The following UGGT1 variants were observed in gnomAD, a reference collection of about 807,000 sequenced individuals.
UGGT1 encodes the protein UDP-glucose:glycoprotein glucosyltransferase 1.
Under a neutral mutation model 203.9 loss-of-function variants are expected in UGGT1, and 107 were observed. The ratio of observed to expected loss-of-function variants is 0.52; its 90% CI spans 0.45 to 0.62. UGGT1 has a LOEUF of 0.62. UGGT1 is among the 20% of genes least tolerant of loss of function. The pLI is 0.00. For missense variants in UGGT1, 1,673 were observed against 1,867.2 expected (o/e 0.90, Z 1.92); for synonymous variants, 628 against 653.5 (o/e 0.96, Z 0.59).
At chr2:128,131,722 G>C (rs189836018) in intron 13 of UGGT1, among the ~76,000 whole-genome samples, 1 of 151,964 alleles carries the variant, frequency 6.6e-6, no homozygotes, top group East Asian at 1.9e-4. Context: ...CCGCCTCCCA[G>C]GTTCAAACGA....
At chr2:128,105,371 T>A (rs1425124163) in intron 3 of UGGT1, among the ~76,000 whole-genome samples, 1 of 151,660 alleles carries the variant, frequency 6.6e-6, no homozygotes, top group African/African-American at 2.4e-5. Context: ...GGAGACAGGG[T>A]CTCGCTGTGT....
At chr2:128,104,337 C>A (rs1200328800) in intron 3 of UGGT1, among the ~76,000 whole-genome samples, 1 of 152,180 alleles carries the variant, frequency 6.6e-6, no homozygotes. Flanking sequence ...ACCATCTAAT[C>A]TGATTCACTA....
intron 22 of UGGT1, 62 bp downstream of exon 22, chr2:128,157,408 C>A: frequency 7.3e-7 from 1 of 1,366,988 alleles, no homozygotes; most frequent in Admixed American, 1.7e-5. Flanking sequence ...TCATGGGCTT[C>A]GCTGTGCGGC....
At position 128,192,283 on chromosome 2, in the gene UGGT1, T is replaced by G. The variant is rs1249838554; in HGVS notation, c.*2541T>G. On this transcript the variant is annotated 3_prime_UTR_variant, in exon 41 of 41. Transcript: ENST00000259253. Reference sequence around the variant, plus strand: ...TCCTGCCAGTTTTTTTTTTTTTTTTTGGTTCATGTGGCATAATCATCTTTC... The same window carrying G: ...TCCTGCCAGTTTTTTTTTTTTTTTTGGGTTCATGTGGCATAATCATCTTTC... 8 of 146,372 alleles carry G rather than the reference T, an allele frequency of 5.5e-5. No homozygotes were observed. Among genetic ancestry groups the G allele is most frequent in the Admixed American group, 4.1e-4 (6 of 14,790 alleles). 9.1% of individuals were successfully genotyped at this position (146,372 alleles called of 1,614,324 possible).
intron 2 of UGGT1, among the ~76,000 whole-genome samples, chr2:128,100,579 T>C (rs1275231787): frequency 6.8e-6 from 1 of 147,966 alleles, no homozygotes; most frequent in Non-Finnish European, 1.5e-5. Context: ...GCTAATTTTG[T>C]ATTTTTTTTT....
intron 36 of UGGT1, 69 bp downstream of exon 36, chr2:128,181,141 A>AT (rs372564065): frequency 2.1e-6 from 3 of 1,444,144 alleles, no homozygotes; most frequent in East Asian, 2.3e-5. Flanking sequence ...TTTAAATGCT[A>AT]TTTTTTCCAC....
intron 13 of UGGT1, among the ~76,000 whole-genome samples, chr2:128,132,608 A>G (rs1399402129): frequency 1.3e-5 from 2 of 152,196 alleles, no homozygotes; most frequent in African/African-American, 2.4e-5. Flanking sequence ...TGTCTTCTTC[A>G]TTCTTGACGC....
rs376277027 is a variant in UGGT1 at position 128,133,275 on chromosome 2, T to C, written c.1497+15T>C. On this transcript the variant is annotated intron_variant, in intron 14 of 40. Coordinates refer to ENST00000259253, the MANE Select transcript of UGGT1 (RefSeq NM_020120.4). ...TACATAATATGGTAAGTAAAACTTA[T>C]TGTCTGGCTGTGAACTCTGTTTCTC... 52 of 1,607,730 alleles carry C rather than the reference T, an allele frequency of 3.2e-5. No individual in the cohort carries two copies. In the African/African-American group the frequency reaches 5.2e-4, roughly 16 times the overall value.
At chr2:128,126,871 C>T (rs777518033) in intron 11 of UGGT1, among the ~76,000 whole-genome samples, 12 of 151,004 alleles carry the variant, frequency 7.9e-5, no homozygotes, top group East Asian at 2.0e-4. Context: ...TTAATAGAGA[C>T]GGGGTTTTGC....
intron 25 of UGGT1, among the ~76,000 whole-genome samples, chr2:128,164,289 G>A (rs1690671790): frequency 6.6e-6 from 1 of 152,216 alleles, no homozygotes; most frequent in Non-Finnish European, 1.5e-5. Flanking sequence ...GTATTTAAAA[G>A]TATAGAATTA....
In UGGT1 at chr2:128,191,510, C is replaced by T. The variant is rs2104855247; in HGVS notation, c.*1768C>T. ...GGGCAGAGTCTGTGACATGACTTTC[C>T]CCGCCCTGCCCCTCTGTTCAGAGCA... On this transcript the variant is annotated 3_prime_UTR_variant, in exon 41 of 41. Transcript: ENST00000259253. The T allele has an allele frequency of 6.6e-6, 1 of 152,308 alleles. No homozygotes were observed. The highest frequency in any genetic ancestry group is 1.5e-5 in the Non-Finnish European group (1 of 68,070). The allele number at this position is 152,308 out of a possible 1,614,324, so 9.4% of individuals were successfully genotyped here. A position where few individuals can be genotyped will look rare whatever the true frequency, so the allele number is the denominator to read the frequency against.
intron 1 of UGGT1, 131 bp from the exon 2 acceptor site, chr2:128,097,298 C>A (rs1196563666): frequency 3.8e-6 from 4 of 1,046,844 alleles, no homozygotes; most frequent in Middle Eastern, 3.0e-4. Context: ...ATCGCTTGAA[C>A]CTGGGAGGCA....
At chr2:128,156,346 A>G (rs1690227237) in intron 20 of UGGT1, 46 bp from the exon 21 acceptor site, 4 of 1,483,562 alleles carry the variant, frequency 2.7e-6, no homozygotes, top group Non-Finnish European at 1.9e-6. Flanking sequence ...CATTCATTCC[A>G]GAAATGATAC....
intron 39 of UGGT1, among the ~76,000 whole-genome samples, 156 bp downstream of exon 39, chr2:128,186,955 T>C (rs1329048560): frequency 1.3e-5 from 2 of 152,180 alleles, no homozygotes; most frequent in Non-Finnish European, 2.9e-5. Flanking sequence ...GCTATTCTTA[T>C]CTTACAGAAT....
chr2:128,143,750 T>G (rs932410986), intron 17 of UGGT1, among the ~76,000 whole-genome samples: 2 of 152,222 alleles, frequency 1.3e-5, no homozygotes, highest in Non-Finnish European at 2.9e-5. Context: ...ATTGTCTAGC[T>G]TTTTGAATAG....
chr2:128,144,135 C>T (rs1223046646), intron 17 of UGGT1, among the ~76,000 whole-genome samples: 3 of 152,176 alleles, frequency 2.0e-5, no homozygotes, highest in African/African-American at 2.4e-5. Flanking sequence ...TTCTAACCTA[C>T]GTGGGCAAAC....
chr2:128,096,474 T>A (rs929878953), intron 1 of UGGT1, among the ~76,000 whole-genome samples: 1 of 152,216 alleles, frequency 6.6e-6, no homozygotes, highest in African/African-American at 2.4e-5. Flanking sequence ...TCTGGTAGTT[T>A]CAGGCATTCC....
rs1475837618 is a variant in UGGT1, at chr2:128,091,200, A to C, written c.-158A>C. 1 of 797,152 alleles carries C rather than the reference A, an allele frequency of 1.3e-6. No individual in the cohort carries two copies. 49.4% of individuals were successfully genotyped at this position (797,152 alleles called of 1,614,324 possible). The stretch of plus-strand genomic sequence containing the variant: ...AAGCGGAAGTAAAAGGGCGGCCGGC[A>C]GCTGGGCAATTGCTTTGCGAGGCTG... On this transcript the variant is annotated 5_prime_UTR_variant, in exon 1 of 41. Transcript: ENST00000259253.
chr2:128,103,831 G>A, intron 2 of UGGT1, 101 bp from the exon 3 acceptor site: 2 of 702,920 alleles, frequency 2.8e-6, no homozygotes, highest in South Asian at 2.2e-5. Flanking sequence ...GTCAAACTAT[G>A]GACATTTGGA....
Sources: gnomAD v4.1 joint callset for allele counts (sites outside exome capture counted in the v4.1 genomes callset) on GRCh38, gnomAD v4.1.1 for gene constraint, MANE v1.5 for transcripts, NCBI Gene and HGNC (gene_info 2026-07-23, HGNC 2026-07-21) for gene names.